SEC14L1: variants seen among roughly 807,000 people sequenced by gnomAD.
The protein encoded by SEC14L1 is SEC14 like lipid binding 1.
Under a neutral mutation model 85.3 loss-of-function variants are expected in SEC14L1, and 48 were observed. The ratio of observed to expected loss-of-function variants is 0.56; its 90% confidence interval spans 0.45 to 0.72. The LOEUF is 0.72. Among genes scored for constraint, SEC14L1 ranks in the 30% least tolerant of loss-of-function variants. The pLI is 0.00. For synonymous variants in SEC14L1, 391 were observed against 355.5 expected, an observed-to-expected ratio of 1.10 and a Z score of -1.12; for missense variants, 682 against 921.4, an observed-to-expected ratio of 0.74 and a Z score of 3.36.
intron 10 of SEC14L1, among the ~76,000 whole-genome samples, chr17:77,204,344 A>C (rs138659261): frequency 0.015 from 2,220 of 151,798 alleles, 48 homozygotes; most frequent in Admixed American, 0.041. Context: ...CAACCTCCTG[A>C]GTAGCTGGGA....
At chr17:77,102,573 G>A (rs1322300635) in intron 3 of SEC14L1, among the ~76,000 whole-genome samples, 2 of 151,154 alleles carry the variant, frequency 1.3e-5, no homozygotes, top group African/African-American at 4.9e-5. Context: ...GCGTGATCTC[G>A]GCTCACTGCA....
chr17:77,186,709 C>G (rs796271679), intron 3 of SEC14L1, among the ~76,000 whole-genome samples: 2 of 152,208 alleles, frequency 1.3e-5, no homozygotes, highest in Non-Finnish European at 2.9e-5. Flanking sequence ...TCTAGTCCTT[C>G]TGGGATCTTG....
intron 5 of SEC14L1, among the ~76,000 whole-genome samples, chr17:77,193,016 T>C (rs888153498): frequency 8.5e-5 from 13 of 152,208 alleles, no homozygotes; most frequent in Non-Finnish European, 1.8e-4. Context: ...CCATAGCACT[T>C]ACTTATCTTT....
intron 3 of SEC14L1, chr17:77,099,239 C>T (rs112104678): frequency 2.0e-5 from 3 of 152,326 alleles, no homozygotes; most frequent in African/African-American, 7.2e-5. Context: ...CTTTGAATGA[C>T]AAATCCCTTT....
intron 7 of SEC14L1, among the ~76,000 whole-genome samples, chr17:77,195,312 T>G (rs1975751983): frequency 6.6e-6 from 1 of 151,112 alleles, no homozygotes; most frequent in African/African-American, 2.4e-5. Flanking sequence ...AGGTGTTTTT[T>G]TTTGTTTGTT....
At chr17:77,096,885 G>T (rs905578679) in intron 3 of SEC14L1, among the ~76,000 whole-genome samples, 1 of 152,146 alleles carries the variant, frequency 6.6e-6, no homozygotes, top group Admixed American at 6.5e-5. Context: ...AAGTTATGCA[G>T]AAGATTCATC....
intron 3 of SEC14L1, among the ~76,000 whole-genome samples, chr17:77,188,769 G>A (rs546603800): frequency 1.2e-4 from 19 of 152,230 alleles, no homozygotes; most frequent in East Asian, 7.7e-4. Context: ...ATGTGGAAGG[G>A]ATTCAGTTCT....
intron 3 of SEC14L1, among the ~76,000 whole-genome samples, chr17:77,106,029 C>T (rs1971906008): frequency 6.6e-6 from 1 of 151,778 alleles, no homozygotes; most frequent in African/African-American, 2.4e-5. Context: ...ATCAGTTCGT[C>T]TACCTAATTT....
Position 77,172,359 on chromosome 17 carries a change from T to C in SEC14L1, c.64-18444T>C, listed in dbSNP as rs1354694949. Among the ~76,000 whole-genome samples, 3 of 152,206 alleles carry C rather than the reference T, an allele frequency of 2.0e-5. No homozygotes were observed. In the East Asian group the frequency reaches 5.8e-4, roughly 29 times the overall value. On this transcript the variant is annotated intron_variant, in intron 3 of 16. Coordinates refer to ENST00000436233, the MANE Select transcript of SEC14L1 (RefSeq NM_001143998.2). ...ATTCCTTTTTAAAGTGGCCTATTTTTCCACACTTGAAGCATTTGTTTTGCC... is the reference window on the plus strand; with the variant it reads ...ATTCCTTTTTAAAGTGGCCTATTTTCCCACACTTGAAGCATTTGTTTTGCC...
At chr17:77,208,535 G>T (rs1226380574) in intron 13 of SEC14L1, among the ~76,000 whole-genome samples, 1 of 152,124 alleles carries the variant, frequency 6.6e-6, no homozygotes, top group Non-Finnish European at 1.5e-5. Context: ...GCCTTCTAAG[G>T]CTTCTTCACC....
intron 3 of SEC14L1, among the ~76,000 whole-genome samples, chr17:77,134,386 A>G (rs964318381): frequency 7.2e-5 from 11 of 152,026 alleles, no homozygotes; most frequent in African/African-American, 2.7e-4. Context: ...AGTAGCTGGA[A>G]CTATAGATGC....
At chr17:77,201,265 T>C (rs968548671) in intron 9 of SEC14L1, among the ~76,000 whole-genome samples, 1 of 152,190 alleles carries the variant, frequency 6.6e-6, no homozygotes, top group African/African-American at 2.4e-5. Flanking sequence ...CACTCTTTCC[T>C]GAGCCAAAGT....
At chr17:77,201,059 G>A (rs191213768) in intron 9 of SEC14L1, among the ~76,000 whole-genome samples, 102 of 152,330 alleles carry the variant, frequency 6.7e-4, no homozygotes, top group African/African-American at 2.4e-3. Flanking sequence ...CCCTATGATA[G>A]CTTAAAACGG....
intron 3 of SEC14L1, among the ~76,000 whole-genome samples, chr17:77,177,964 T>C (rs1467947031): frequency 6.6e-6 from 1 of 152,010 alleles, no homozygotes; most frequent in Admixed American, 6.6e-5. Flanking sequence ...CACAGAGCTG[T>C]CAAATTAGGT....
intron 3 of SEC14L1, among the ~76,000 whole-genome samples, chr17:77,166,352 A>G (rs917306053): frequency 3.3e-5 from 5 of 152,244 alleles, no homozygotes; most frequent in African/African-American, 1.2e-4. Context: ...ATGAAATTAA[A>G]TAGCCTCCCC....
intron 3 of SEC14L1, among the ~76,000 whole-genome samples, chr17:77,096,996 CA>C (rs1330237299): frequency 5.3e-5 from 8 of 152,158 alleles, no homozygotes; most frequent in African/African-American, 1.9e-4. Flanking sequence ...AAGCGTTTAT[CA>C]TGTCAGGAAC....
At chr17:77,147,383 AC>A (rs767688524) in intron 3 of SEC14L1, among the ~76,000 whole-genome samples, 10 of 151,892 alleles carry the variant, frequency 6.6e-5, no homozygotes, top group African/African-American at 2.2e-4. Context: ...TAAAAAAAAA[AC>A]ATGTTAAAGT....
intron 14 of SEC14L1, 113 bp from the exon 15 acceptor site, chr17:77,211,837 C>A: frequency 7.2e-7 from 1 of 1,381,674 alleles, no homozygotes; most frequent in Non-Finnish European, 9.9e-7. Flanking sequence ...TTCAGCGTTT[C>A]CCTCCCCAGC....
chr17:77,098,178 C>G (rs1051483971), intron 3 of SEC14L1, among the ~76,000 whole-genome samples: 4 of 152,156 alleles, frequency 2.6e-5, no homozygotes, highest in Non-Finnish European at 5.9e-5. Context: ...CCATTTTTCC[C>G]TCTAATGGTA....
Sources: gnomAD v4.1 joint callset for allele counts (sites outside exome capture counted in the v4.1 genomes callset) on GRCh38, gnomAD v4.1.1 for gene constraint, MANE v1.5 for transcripts, NCBI Gene and HGNC (gene_info 2026-07-23, HGNC 2026-07-21) for gene names.